Variants in WASL observed in about 807,000 individuals in gnomAD.
The protein encoded by WASL is actin nucleation-promoting factor WASL.
WASL carries 20 observed loss-of-function variants against 55.5 expected under a neutral mutation model. The observed-to-expected ratio is 0.36, with a 90% CI of 0.25 to 0.52. The LOEUF (loss-of-function observed/expected upper bound fraction) is 0.52. Ranked by LOEUF, WASL falls within the 20% of genes least tolerant of loss-of-function variation. The pLI, the probability that WASL is intolerant of heterozygous loss-of-function variation, is 0.92. For synonymous variants in WASL, 249 were observed against 217.6 expected, an observed-to-expected ratio of 1.14 and a Z score of -1.27; for missense variants, 504 against 622.5, an observed-to-expected ratio of 0.81 and a Z score of 2.03.
chr7:123,728,605 G>C lies in WASL; in HGVS notation c.118-19382C>G, dbSNP rs565762658. On this transcript the variant is annotated intron_variant, in intron 1 of 10. Transcript: ENST00000223023. Reference sequence around the variant, plus strand: ...ACCTGTGATCCCAGCACTTTGGGAGGCCGAGGCAGGCAGATCACGAGGTCA... The same window carrying C: ...ACCTGTGATCCCAGCACTTTGGGAGCCCGAGGCAGGCAGATCACGAGGTCA... 2.0e-5 allele frequency among the ~76,000 whole-genome samples: 3 copies of C among 152,270 alleles called. No individual in the cohort carries two copies. The South Asian group carries it at 6.2e-4, about 32-fold the overall frequency.
intron 1 of WASL, among the ~76,000 whole-genome samples, chr7:123,721,635 G>A (rs1803945258): frequency 6.6e-6 from 1 of 152,112 alleles, no homozygotes; most frequent in South Asian, 2.1e-4. Flanking sequence ...CACAATTTAA[G>A]AGACTTAAGG....
chr7:123,695,660 C>T (rs1803478500), intron 7 of WASL, among the ~76,000 whole-genome samples, 163 bp downstream of exon 7: 1 of 151,892 alleles, frequency 6.6e-6, no homozygotes, highest in Admixed American at 6.6e-5. Context: ...CCATGAATGA[C>T]AGAACAATAA....
intron 1 of WASL, among the ~76,000 whole-genome samples, chr7:123,723,209 T>C (rs141771608): frequency 6.6e-5 from 10 of 152,332 alleles, no homozygotes; most frequent in African/African-American, 2.4e-4. Flanking sequence ...ACATTTCTAA[T>C]CAGATCATTT....
At chr7:123,727,352 G>GACAC (rs1554406235) in intron 1 of WASL, among the ~76,000 whole-genome samples, 20 of 55,454 alleles carry the variant, frequency 3.6e-4, no homozygotes, top group South Asian at 3.1e-3. Context: ...AAAAATATGT[G>GACAC]TCACACACAC....
chr7:123,715,598 C>T (rs1005444148), intron 1 of WASL, among the ~76,000 whole-genome samples: 2 of 152,148 alleles, frequency 1.3e-5, no homozygotes, highest in Admixed American at 6.5e-5. Context: ...TTTTTGGTTA[C>T]AAATCATAAA....
chr7:123,720,037 T>C (rs1356919540), intron 1 of WASL, among the ~76,000 whole-genome samples: 1 of 152,164 alleles, frequency 6.6e-6, no homozygotes, highest in Non-Finnish European at 1.5e-5. Flanking sequence ...GATAGGGCCC[T>C]GTCTTATTTC....
At chr7:123,742,564 A>C (rs1271295714) in intron 1 of WASL, among the ~76,000 whole-genome samples, 1 of 152,190 alleles carries the variant, frequency 6.6e-6, no homozygotes, top group South Asian at 2.1e-4. Flanking sequence ...CACTAATACA[A>C]TTTCATCCAG....
At chr7:123,696,511 G>C (rs1181288875) in intron 6 of WASL, 68 bp downstream of exon 6, 1 of 1,390,378 alleles carries the variant, frequency 7.2e-7, no homozygotes, top group Non-Finnish European at 9.4e-7. Flanking sequence ...TTTCTAACAA[G>C]TTAAAAATCA....
At chr7:123,739,887 T>C (rs1206036970) in intron 1 of WASL, among the ~76,000 whole-genome samples, 8 of 50,028 alleles carry the variant, frequency 1.6e-4, no homozygotes, top group African/African-American at 7.0e-4. Context: ...TGTGTGTGTG[T>C]GTGTGTGTGT....
chr7:123,689,227 T>TG, intron 9 of WASL, 77 bp from the exon 10 acceptor site: 5 of 1,156,478 alleles, frequency 4.3e-6, no homozygotes, highest in Non-Finnish European at 6.4e-6. Flanking sequence ...TCCTACTTTC[T>TG]TAGAATCACT....
intron 5 of WASL, among the ~76,000 whole-genome samples, chr7:123,703,383 C>A (rs1479728121): frequency 6.6e-6 from 1 of 152,252 alleles, no homozygotes; most frequent in African/African-American, 2.4e-5. Flanking sequence ...CAGTGCCTGG[C>A]AGGTAGTAAA....
intron 1 of WASL, among the ~76,000 whole-genome samples, chr7:123,732,822 A>G (rs1439427467): frequency 6.6e-6 from 1 of 152,250 alleles, no homozygotes; most frequent in Non-Finnish European, 1.5e-5. Flanking sequence ...CCAACAATAT[A>G]TAAGAATTAA....
intron 5 of WASL, among the ~76,000 whole-genome samples, chr7:123,702,376 A>C (rs887325842): frequency 6.6e-6 from 1 of 152,134 alleles, no homozygotes; most frequent in Non-Finnish European, 1.5e-5. Context: ...TTTAATTCTA[A>C]GTGGGTCTCT....
chr7:123,729,977 T>C (rs1242407433), intron 1 of WASL, among the ~76,000 whole-genome samples: 1 of 152,052 alleles, frequency 6.6e-6, no homozygotes, highest in East Asian at 1.9e-4. Context: ...TTCTCTCCAG[T>C]GGAAGAAAAA....
intron 1 of WASL, among the ~76,000 whole-genome samples, chr7:123,732,626 G>C (rs1433317099): frequency 6.6e-6 from 1 of 152,108 alleles, no homozygotes; most frequent in Non-Finnish European, 1.5e-5. Context: ...AAACATATGA[G>C]GAATACATGA....
chr7:123,747,196 T>C (rs896010961), intron 1 of WASL, among the ~76,000 whole-genome samples: 3 of 152,168 alleles, frequency 2.0e-5, no homozygotes, highest in African/African-American at 7.2e-5. Flanking sequence ...AGTCCTGGTT[T>C]TCTAGTTCTG....
intron 1 of WASL, among the ~76,000 whole-genome samples, chr7:123,710,211 ATAAAG>A (rs1211244633): frequency 7.2e-5 from 11 of 152,036 alleles, no homozygotes; most frequent in Non-Finnish European, 1.3e-4. Context: ...ATGTTTTCTG[ATAAAG>A]TAATTTCACT....
At chr7:123,747,988 A>G in intron 1 of WASL, among the ~76,000 whole-genome samples, 1 of 152,040 alleles carries the variant, frequency 6.6e-6, no homozygotes, top group Non-Finnish European at 1.5e-5. Context: ...GGGGGAAAAA[A>G]AAAATCAGTG....
chr7:123,692,293 T>A (rs892604159), intron 9 of WASL, 54 bp downstream of exon 9: 16 of 1,553,614 alleles, frequency 1.0e-5, no homozygotes, highest in East Asian at 2.3e-5. Context: ...TAAATTACTT[T>A]AAAATTCCAT....
Sources: allele counts gnomAD v4.1 joint callset (sites outside exome capture counted in the v4.1 genomes callset), GRCh38; gene constraint gnomAD v4.1.1; transcripts MANE v1.5; gene names NCBI Gene and HGNC (gene_info 2026-07-23, HGNC 2026-07-21).